Variants in SPAST observed in about 807,000 individuals in gnomAD.
SPAST encodes spastin, also known as spastic paraplegia 4 (autosomal dominant; spastin).
SPAST carries 30 observed loss-of-function variants against 76.6 expected under a neutral mutation model. The ratio of observed to expected loss-of-function variants is 0.39; its 90% CI spans 0.29 to 0.53. SPAST has a LOEUF of 0.53. Ranked by LOEUF, SPAST falls within the 20% of genes least tolerant of loss-of-function variation. The pLI is 0.68. For synonymous variants in SPAST, 305 were observed against 281.0 expected (o/e 1.09, Z -0.86); for missense variants, 717 against 770.5 (o/e 0.93, Z 0.82).
At chr2:32,101,847 T>C (rs1309309883) in intron 4 of SPAST, among the ~76,000 whole-genome samples, 1 of 152,216 alleles carries the variant, frequency 6.6e-6, no homozygotes, top group Non-Finnish European at 1.5e-5. Context: ...TCTGTTTTGG[T>C]ATCAGTACCA....
intron 7 of SPAST, 112 bp downstream of exon 7, chr2:32,116,324 G>T: frequency 2.8e-6 from 2 of 719,744 alleles, no homozygotes; most frequent in South Asian, 1.6e-5. Flanking sequence ...TTCATATAAG[G>T]TAACAATAGA....
chr2:32,130,382 G>A (rs1223143792), intron 9 of SPAST: 2 of 152,126 alleles, frequency 1.3e-5, no homozygotes, highest in Admixed American at 1.3e-4. Context: ...GAAAGAACAT[G>A]TTACCTGTAA....
At chr2:32,151,603 A>C (rs183090133) in intron 16 of SPAST, among the ~76,000 whole-genome samples, 1 of 152,222 alleles carries the variant, frequency 6.6e-6, no homozygotes, top group East Asian at 1.9e-4. Flanking sequence ...AATATATATA[A>C]ATTTAGGTAA....
At chr2:32,150,951 C>CTTTTTTTTTTTTTTTTTTTTTTT (rs113065520) in intron 16 of SPAST, among the ~76,000 whole-genome samples, 1 of 143,352 alleles carries the variant, frequency 7.0e-6, no homozygotes, top group Non-Finnish European at 1.5e-5. Context: ...CTACTGTATA[C>CTTTTTTTTTTTTTTTTTTTTTTT]TTTTTTTTTT....
In SPAST at chr2:32,126,948, T is replaced by C. The variant is rs1437425856; in HGVS notation, c.1099T>C (p.Leu367=). The change falls in exon 8 of 17, where the codon TTG becomes CTG. Residue 367 remains leucine (L), a splice_region_variant and synonymous_variant. Coordinates refer to ENST00000315285, the MANE Select transcript of SPAST (RefSeq NM_014946.4). ...IVILPSLRPE[L]FTGLRAPARG... The stretch of plus-strand genomic sequence containing the variant: ...GTAAACTAAAGTATATATTTTTTAG[T>C]TGTTCACAGGGCTTAGAGCTCCTGC... 3.1e-6 allele frequency: 5 copies of C among 1,603,812 alleles called. No individual in the cohort carries two copies. The highest frequency in any genetic ancestry group is 4.3e-6 in the Non-Finnish European group (5 of 1,170,826).
chr2:32,139,024 C>T (rs11683760), intron 12 of SPAST, among the ~76,000 whole-genome samples: 54,318 of 151,920 alleles, frequency 0.36, 10,059 homozygotes, highest in East Asian at 0.64. Context: ...GTTTGTGTGT[C>T]TGTTTTTATA....
intron 1 of SPAST, among the ~76,000 whole-genome samples, chr2:32,086,019 G>C (rs935249951): frequency 6.7e-6 from 1 of 150,350 alleles, no homozygotes; most frequent in African/African-American, 2.4e-5. Flanking sequence ...TGCAGCCTGG[G>C]CTACAGAGAG....
At chr2:32,120,494 T>C (rs56208031) in intron 7 of SPAST, among the ~76,000 whole-genome samples, 70,137 of 151,556 alleles carry the variant, frequency 0.46, 16,455 homozygotes, top group Admixed American at 0.49. Context: ...TTTCATCTTA[T>C]CGATTGATAA....
At chr2:32,109,168 G>T (rs934123793) in intron 4 of SPAST, among the ~76,000 whole-genome samples, 2 of 152,028 alleles carry the variant, frequency 1.3e-5, no homozygotes, top group Non-Finnish European at 2.9e-5. Flanking sequence ...GAGTGCAGTG[G>T]CACGATTTCA....
At chr2:32,138,397 A>G (rs1679612495) in intron 12 of SPAST, among the ~76,000 whole-genome samples, 1 of 152,178 alleles carries the variant, frequency 6.6e-6, no homozygotes, top group Admixed American at 6.5e-5. Flanking sequence ...GGTGTGAGAT[A>G]TCTCATTGTG....
intron 1 of SPAST, among the ~76,000 whole-genome samples, chr2:32,064,452 G>A (rs1362556577): frequency 6.6e-6 from 1 of 152,186 alleles, no homozygotes; most frequent in Non-Finnish European, 1.5e-5. Flanking sequence ...CACTGTAGCT[G>A]TCGACTTTGT....
chr2:32,086,287 A>G (rs1402206128), intron 1 of SPAST, among the ~76,000 whole-genome samples: 2 of 150,984 alleles, frequency 1.3e-5, no homozygotes, highest in African/African-American at 2.4e-5. Context: ...GCAAGACCCT[A>G]TCTCTACAAA....
At chr2:32,086,630 C>T (rs1000558090) in intron 1 of SPAST, among the ~76,000 whole-genome samples, 4 of 151,680 alleles carry the variant, frequency 2.6e-5, no homozygotes, top group African/African-American at 7.3e-5. Context: ...TGATGGTGCA[C>T]ACCTGTAACC....
intron 4 of SPAST, among the ~76,000 whole-genome samples, chr2:32,109,826 TTACA>T (rs1208093984): frequency 6.7e-6 from 1 of 149,170 alleles, no homozygotes; most frequent in Non-Finnish European, 1.5e-5. Flanking sequence ...ACATATATAG[TTACA>T]TATGTATATG....
At chr2:32,081,289 C>T (rs216536) in intron 1 of SPAST, among the ~76,000 whole-genome samples, 3,620 of 151,244 alleles carry the variant, frequency 0.024, 64 homozygotes, top group African/African-American at 0.044. Flanking sequence ...AGAGATGGGG[C>T]TTCACTGTAT....
At chr2:32,099,796 C>T (rs748803105) in intron 4 of SPAST, among the ~76,000 whole-genome samples, 2 of 152,114 alleles carry the variant, frequency 1.3e-5, no homozygotes, top group Non-Finnish European at 2.9e-5. Flanking sequence ...TGTATCCTTT[C>T]CCTACCCTTT....
chr2:32,076,395 T>G (rs1258678454), intron 1 of SPAST, among the ~76,000 whole-genome samples: 2 of 152,148 alleles, frequency 1.3e-5, no homozygotes, highest in African/African-American at 4.8e-5. Context: ...ATTAAATTTT[T>G]TTTTCTTGTA....
intron 9 of SPAST, among the ~76,000 whole-genome samples, chr2:32,132,307 C>A (rs1178317719): frequency 2.0e-5 from 3 of 152,102 alleles, no homozygotes; most frequent in African/African-American, 7.2e-5. Flanking sequence ...GGGAGGATTT[C>A]TTGAGCTTGG....
At chr2:32,122,744 A>G (rs1332577832) in intron 7 of SPAST, among the ~76,000 whole-genome samples, 1 of 151,892 alleles carries the variant, frequency 6.6e-6, no homozygotes, top group Non-Finnish European at 1.5e-5. Context: ...GTTCGACACC[A>G]GCCTGGGCAA....
Sources: allele counts gnomAD v4.1 joint callset (sites outside exome capture counted in the v4.1 genomes callset), GRCh38; gene constraint gnomAD v4.1.1; transcripts MANE v1.5; gene names NCBI Gene and HGNC (gene_info 2026-07-23, HGNC 2026-07-21).